Variants in CBLC observed in about 807,000 individuals in gnomAD.
The protein encoded by CBLC is Cbl proto-oncogene C.
Under a neutral mutation model 58.6 loss-of-function variants are expected in CBLC, and 46 were observed. The ratio of observed to expected loss-of-function variants is 0.79; its 90% CI spans 0.62 to 1.00. The LOEUF (loss-of-function observed/expected upper bound fraction) is 1.00. CBLC is among the 50% of genes least tolerant of loss of function. The pLI, the probability that CBLC is intolerant of heterozygous loss-of-function variation, is 0.00. For missense variants in CBLC, 655 were observed against 625.8 expected, an observed-to-expected ratio of 1.05 and a Z score of -0.50; for synonymous variants, 271 against 264.2, an observed-to-expected ratio of 1.03 and a Z score of -0.25.
chr19:44,798,765 C>T (rs1458540827), intron 9 of CBLC, among the ~76,000 whole-genome samples: 2 of 152,220 alleles, frequency 1.3e-5, no homozygotes, highest in Non-Finnish European at 2.9e-5. Flanking sequence ...AAAGAAATCC[C>T]CACTGGCTCC....
Position 44,787,963 on chromosome 19 carries a change from G to A in CBLC, c.918-2041G>A, listed in dbSNP as rs868418312. 8.7e-3 allele frequency among the ~76,000 whole-genome samples: 1,271 copies of A among 145,562 alleles called. 6 individuals carry two copies. The highest frequency in any genetic ancestry group is 0.013 in the Non-Finnish European group (872 of 66,162). Reference sequence around the variant, plus strand: ...CCCCATCTCAATAAAGAGAAAAAAAGAAAAAAAAAATTAGTTACCGACAAG... The same window carrying A: ...CCCCATCTCAATAAAGAGAAAAAAAAAAAAAAAAAATTAGTTACCGACAAG... On this transcript the variant is annotated intron_variant, in intron 5 of 10. Coordinates refer to ENST00000647358, the MANE Select transcript of CBLC (RefSeq NM_012116.4).
At chr19:44,789,336 G>A (rs1176204638) in intron 5 of CBLC, among the ~76,000 whole-genome samples, 1 of 152,098 alleles carries the variant, frequency 6.6e-6, no homozygotes, top group African/African-American at 2.4e-5. Context: ...TTCATGATCT[G>A]TGACACTAAA....
intron 6 of CBLC, among the ~76,000 whole-genome samples, chr19:44,790,806 C>T (rs1419397606): frequency 1.3e-5 from 2 of 152,108 alleles, no homozygotes; most frequent in East Asian, 1.9e-4. Flanking sequence ...ATTGTATTCA[C>T]GGTTTACATG....
intron 6 of CBLC, among the ~76,000 whole-genome samples, chr19:44,791,567 T>C (rs1431994519): frequency 1.3e-5 from 2 of 151,924 alleles, no homozygotes; most frequent in Non-Finnish European, 2.9e-5. Flanking sequence ...ACCCCATCTC[T>C]ACTAAACATA....
chr19:44,787,221 G>A (rs992051414), intron 5 of CBLC, among the ~76,000 whole-genome samples: 3 of 151,676 alleles, frequency 2.0e-5, no homozygotes, highest in Admixed American at 6.6e-5. Context: ...GTGAAACCCT[G>A]TCTCTACTGA....
chr19:44,792,538 T>C (rs766605869), intron 7 of CBLC, 24 bp downstream of exon 7: 1 of 1,556,970 alleles, frequency 6.4e-7, no homozygotes, highest in Admixed American at 1.8e-5. Flanking sequence ...CTGTGGCGCC[T>C]TCCCCTCTGG....
chr19:44,784,948 G>GTTT (rs1555779690), intron 5 of CBLC, among the ~76,000 whole-genome samples: 1 of 69,070 alleles, frequency 1.4e-5, no homozygotes, highest in Non-Finnish European at 2.8e-5. Context: ...TGCTAGACAG[G>GTTT]TGTTTTTTTT....
intron 3 of CBLC, 26 bp from the exon 4 acceptor site, chr19:44,782,344 C>T (rs769449007): frequency 2.5e-6 from 4 of 1,613,092 alleles, no homozygotes; most frequent in African/African-American, 1.3e-5. Flanking sequence ...TGGTCGCTCC[C>T]TGACCCAAGC....
intron 9 of CBLC, 75 bp from the exon 10 acceptor site, chr19:44,800,306 G>A: frequency 9.4e-7 from 1 of 1,063,896 alleles, no homozygotes; most frequent in Non-Finnish European, 1.5e-6. Flanking sequence ...TAAGACAAAG[G>A]GGACAGGGAA....
At chr19:44,782,612 A>G in intron 4 of CBLC, 121 bp downstream of exon 4, 1 of 772,838 alleles carries the variant, frequency 1.3e-6, no homozygotes, top group Non-Finnish European at 2.1e-6. Flanking sequence ...CCAGGACCCC[A>G]GAGAGTTGAT....
intron 9 of CBLC, among the ~76,000 whole-genome samples, chr19:44,799,406 T>C (rs926517483): frequency 2.0e-5 from 3 of 152,134 alleles, no homozygotes; most frequent in African/African-American, 7.2e-5. Flanking sequence ...AATCTTGGCT[T>C]ATGGCAATCC....
intron 9 of CBLC, 55 bp from the exon 10 acceptor site, chr19:44,800,326 A>G (rs1968267569): frequency 1.6e-6 from 2 of 1,219,898 alleles, no homozygotes; most frequent in Admixed American, 3.4e-5. Context: ...AGAGGGGCAG[A>G]GGGAAAGATT....
intron 5 of CBLC, among the ~76,000 whole-genome samples, chr19:44,787,802 A>G (rs1195810558): frequency 8.2e-5 from 12 of 147,236 alleles, no homozygotes; most frequent in Non-Finnish European, 1.6e-4. Context: ...AGGGCACAAG[A>G]GTGAGACTTC....
intron 3 of CBLC, 120 bp from the exon 4 acceptor site, chr19:44,782,250 T>A: frequency 7.1e-7 from 1 of 1,414,476 alleles, no homozygotes; most frequent in Non-Finnish European, 9.7e-7. Flanking sequence ...GTAAAAGGGA[T>A]ATGCCTGAGG....
chr19:44,795,465 C>T lies in CBLC; in HGVS notation c.1362+1184C>T, dbSNP rs146517493. On this transcript the variant is annotated intron_variant, in intron 9 of 10. Coordinates refer to ENST00000647358, the MANE Select transcript of CBLC (RefSeq NM_012116.4). ...CCAGGAGTTGGTAGCTCCAGTGAGG[C>T]GTGATCACACCACTGCACTCCAGCC... Among the ~76,000 whole-genome samples the T allele has an allele frequency of 4.6e-3, 702 of 151,974 alleles. 4 individuals carry two copies. The highest frequency in any genetic ancestry group is 0.016 in the African/African-American group (655 of 41,482).
At chr19:44,797,306 A>G (rs1022988083) in intron 9 of CBLC, among the ~76,000 whole-genome samples, 8 of 152,052 alleles carry the variant, frequency 5.3e-5, no homozygotes, top group Admixed American at 4.6e-4. Context: ...GCTGGAGTGC[A>G]GTGGCACGAT....
intron 6 of CBLC, 35 bp downstream of exon 6, chr19:44,790,126 C>T: frequency 6.6e-7 from 1 of 1,511,190 alleles, no homozygotes; most frequent in East Asian, 2.3e-5. Context: ...GTCCCAGTTC[C>T]CTGACCCTGC....
At chr19:44,796,962 A>C (rs889367330) in intron 9 of CBLC, among the ~76,000 whole-genome samples, 9 of 152,164 alleles carry the variant, frequency 5.9e-5, no homozygotes, top group African/African-American at 2.2e-4. Flanking sequence ...AACAGATCCA[A>C]CCTGCCGCCA....
intron 1 of CBLC, among the ~76,000 whole-genome samples, chr19:44,780,010 C>T (rs1967678285): frequency 6.6e-6 from 1 of 152,046 alleles, no homozygotes; most frequent in South Asian, 2.1e-4. Context: ...TGCCAAGGCA[C>T]AATTATTCTT....
Sources: allele counts gnomAD v4.1 joint callset (sites outside exome capture counted in the v4.1 genomes callset), GRCh38; gene constraint gnomAD v4.1.1; transcripts MANE v1.5; gene names NCBI Gene and HGNC (gene_info 2026-07-23, HGNC 2026-07-21).